Variants in BCOR observed in about 807,000 individuals in gnomAD.
The protein encoded by BCOR is BCL-6 corepressor.
BCOR carries 10 observed loss-of-function variants against 86.7 expected under a neutral mutation model. The observed-to-expected ratio is 0.12, with a 90% CI of 0.07 to 0.20. The LOEUF (loss-of-function observed/expected upper bound fraction) is 0.20. BCOR is among the 10% of genes least tolerant of loss of function. BCOR has a pLI of 1.00. For missense variants in BCOR, 1,259 were observed against 1,452.1 expected (o/e 0.87, Z 2.16); for synonymous variants, 611 against 609.0 (o/e 1.00, Z -0.05).
intron 1 of BCOR, among the ~76,000 whole-genome samples, chrX:40,146,217 GGGCGCGGGGCTCCGCTCCCGCGGA>G (rs1185897479): frequency 8.9e-6 from 1 of 111,940 alleles, no homozygotes; most frequent in Non-Finnish European, 1.9e-5. Flanking sequence ...CGCGGAGGCG[GGGCGCGGGGCTCCGCTCCCGCGGA>G]GGCGCGGAGC....
intron 1 of BCOR, among the ~76,000 whole-genome samples, chrX:40,085,263 C>G (rs1196359137): frequency 8.9e-6 from 1 of 112,295 alleles, no homozygotes; most frequent in Non-Finnish European, 1.9e-5. Flanking sequence ...GGAAAAAAAG[C>G]CAACGCGAGT....
chrX:40,081,875 AG>A (rs963185109), intron 1 of BCOR, among the ~76,000 whole-genome samples: 3 of 112,495 alleles, frequency 2.7e-5, no homozygotes, highest in Non-Finnish European at 5.6e-5. Flanking sequence ...AGCTGCCTGC[AG>A]GAACACCCAG....
intron 1 of BCOR, among the ~76,000 whole-genome samples, chrX:40,109,174 G>T (rs1937251582): frequency 8.9e-6 from 1 of 112,129 alleles, no homozygotes; most frequent in African/African-American, 3.2e-5. Context: ...ATTAGTCACC[G>T]CTCGGCTCTG....
rs573109269 is a variant in BCOR at position 40,066,921 on chromosome X, A to ACC, written c.3239-2324_3239-2323dup. Reference sequence around the variant, plus strand: ...CTGTCTTGGCACCCTTCCCAGAGACACCCCCCCCCCCCCATCAAATCCCCA... The same window carrying ACC: ...CTGTCTTGGCACCCTTCCCAGAGACACCCCCCCCCCCCCCCATCAAATCCCCA... On this transcript the variant is annotated intron_variant, in intron 6 of 14. Transcript: ENST00000378444. Among the ~76,000 whole-genome samples, 49 of 39,383 alleles carry ACC rather than the reference A, an allele frequency of 1.2e-3. 1 individual carries two copies. In the South Asian group the frequency reaches 0.043, roughly 35 times the overall value. The allele number at this position is 39,383 out of a possible 115,157, so 34.2% of individuals were successfully genotyped here. A position where few individuals can be genotyped will look rare whatever the true frequency, so the allele number is the denominator to read the frequency against.
rs1934928229 is a variant in BCOR, at chrX:40,062,353, G to A, written c.4214C>T (p.Ser1405Leu). The A allele has an allele frequency of 5.8e-6, 7 of 1,206,827 alleles. No homozygotes were observed. The highest frequency in any genetic ancestry group is 3.6e-5 in the South Asian group (2 of 55,990). The change falls in exon 10 of 15, where the codon TCG (serine) becomes TTG (leucine). Residue 1405 changes from serine (S) to leucine (L), a missense_variant. Coordinates refer to ENST00000378444, the MANE Select transcript of BCOR (RefSeq NM_001123385.2). ...RRFRKRPEPSSDYDLSPAKQE... is the reference protein window; with the variant it reads ...RRFRKRPEPSLDYDLSPAKQE... ...CTTGGCTGGTGACAGATCATAGTCC[G>A]AACTGGGCTCCGGCCGCTTTCTGAA...
At chrX:40,123,251 A>C (rs748574588) in intron 1 of BCOR, among the ~76,000 whole-genome samples, 2 of 111,413 alleles carry the variant, frequency 1.8e-5, no homozygotes, top group South Asian at 7.6e-4. Context: ...GTGCAGTGGC[A>C]GGGAGTGAGA....
intron 1 of BCOR, among the ~76,000 whole-genome samples, chrX:40,172,540 T>A (rs771955215): frequency 8.8e-6 from 1 of 113,278 alleles, no homozygotes; most frequent in South Asian, 3.5e-4. Flanking sequence ...GGCTGCGCGC[T>A]TGGAAGCCGT....
Position 40,157,929 on chromosome X carries a change from G to A in BCOR, c.-41+19078C>T, listed in dbSNP as rs752065298. On this transcript the variant is annotated intron_variant, in intron 1 of 14. Coordinates refer to the BCOR transcript ENST00000342274. Reference sequence around the variant, plus strand: ...ACCGTGGATTTCACAACCAGAAGTAGCAGATTTTCCAAGACATTCCTGATT... The same window carrying A: ...ACCGTGGATTTCACAACCAGAAGTAACAGATTTTCCAAGACATTCCTGATT... Among the ~76,000 whole-genome samples the A allele has an allele frequency of 3.4e-4, 38 of 112,817 alleles. 1 individual carries two copies. The highest frequency in any genetic ancestry group is 2.2e-3 in the South Asian group (6 of 2,784).
chrX:40,112,036 G>T (rs974425517), intron 1 of BCOR, among the ~76,000 whole-genome samples: 3 of 110,309 alleles, frequency 2.7e-5, no homozygotes, highest in South Asian at 7.8e-4. Context: ...TGCCAGGAGT[G>T]GGGGCCGGGG....
intron 2 of BCOR, chrX:40,076,926 C>T (rs1285837681): frequency 3.1e-6 from 1 of 326,324 alleles, no homozygotes; most frequent in African/African-American, 2.7e-5. Flanking sequence ...GTAACACAGC[C>T]AAATACCAAA....
At chrX:40,128,009 G>C (rs1005054504) in intron 1 of BCOR, among the ~76,000 whole-genome samples, 3 of 103,943 alleles carry the variant, frequency 2.9e-5, no homozygotes, top group African/African-American at 1.1e-4. Context: ...GACAGATCAC[G>C]AGATCAGGAG....
chrX:40,126,813 C>T lies in BCOR; in HGVS notation c.-40-48844G>A, dbSNP rs1602245205. 3.7e-5 allele frequency among the ~76,000 whole-genome samples: 4 copies of T among 107,491 alleles called. No homozygotes were observed. The Admixed American group carries it at 4.0e-4, about 11-fold the overall frequency. The allele number at this position is 107,491 out of a possible 115,157, so 93.3% of individuals were successfully genotyped here. On this transcript the variant is annotated intron_variant, in intron 1 of 14. Coordinates refer to the BCOR transcript ENST00000342274. ...GAGGTTGCAGCGAGCTGAGATGGCA[C>T]CACTGCACTCCAGCCTGTCTCAAAG... is the stretch of plus-strand genomic sequence containing the variant.
intron 1 of BCOR, among the ~76,000 whole-genome samples, chrX:40,154,640 T>A (rs1938248064): frequency 9.6e-6 from 1 of 103,897 alleles, no homozygotes; most frequent in Non-Finnish European, 2.0e-5. Context: ...AACACCCACG[T>A]CCACTGCACC....
intron 1 of BCOR, among the ~76,000 whole-genome samples, chrX:40,120,064 GTGAGAGTGA>G (rs1569185297): frequency 9.3e-6 from 1 of 107,019 alleles, no homozygotes; most frequent in Non-Finnish European, 1.9e-5. Context: ...GAGGAGCGGG[GTGAGAGTGA>G]TGCGCCAGGC....
At chrX:40,127,911 T>A (rs753296411) in intron 1 of BCOR, among the ~76,000 whole-genome samples, 58 of 86,499 alleles carry the variant, frequency 6.7e-4, no homozygotes, top group East Asian at 4.4e-3. Flanking sequence ...TAAATAAATT[T>A]AAAAAAAAAA....
intron 6 of BCOR, among the ~76,000 whole-genome samples, chrX:40,070,618 T>C (rs1450957857): frequency 9.0e-6 from 1 of 111,486 alleles, no homozygotes; most frequent in Non-Finnish European, 1.9e-5. Flanking sequence ...GGAGGGAGAA[T>C]ATAAGGACTC....
chrX:40,095,524 C>A (rs1361734633), intron 1 of BCOR, among the ~76,000 whole-genome samples: 8 of 110,536 alleles, frequency 7.2e-5, no homozygotes, highest in African/African-American at 2.6e-4. Flanking sequence ...GATCTTTCTC[C>A]AAAAGACTAC....
chrX:40,063,731 G>T lies in BCOR; in HGVS notation c.3724C>A (p.Gln1242Lys), dbSNP rs1350912215. 8.3e-7 allele frequency: 1 copy of T among 1,210,104 alleles called. No individual in the cohort carries two copies. Among genetic ancestry groups the T allele is most frequent in the Non-Finnish European group, 1.1e-6 (1 of 895,061 alleles). ...QSRKEVTQAT[Q>K]PEAIPQGTNI... ...GTCCCCTGAGGAATGGCCTCAGGCTGAGTGGCCTGGGTCACTTCCTTCCTG... is the reference window on the plus strand; with the variant it reads ...GTCCCCTGAGGAATGGCCTCAGGCTTAGTGGCCTGGGTCACTTCCTTCCTG... The change falls in exon 8 of 15, where the codon CAG (glutamine) becomes AAG (lysine). Residue 1242 changes from glutamine to lysine, a missense_variant. Transcript: ENST00000378444.
At chrX:40,079,660 A>G (rs1935984922) in intron 1 of BCOR, among the ~76,000 whole-genome samples, 1 of 112,122 alleles carries the variant, frequency 8.9e-6, no homozygotes, top group African/African-American at 3.3e-5. Context: ...CTATTTCCCT[A>G]GGAAGTGTCT....
Sources: gnomAD v4.1 joint callset for allele counts (sites outside exome capture counted in the v4.1 genomes callset) on GRCh38, gnomAD v4.1.1 for gene constraint, MANE v1.5 for transcripts, NCBI Gene and HGNC (gene_info 2026-07-23, HGNC 2026-07-21) for gene names.